TMC5: variants seen among roughly 807,000 people sequenced by gnomAD.
The protein encoded by TMC5 is transmembrane channel-like protein 5.
TMC5 carries 86 observed loss-of-function variants against 110.5 expected under a neutral mutation model. The ratio of observed to expected loss-of-function variants is 0.78; its 90% CI spans 0.65 to 0.93. TMC5 has a LOEUF of 0.93. Among genes scored for constraint, TMC5 ranks in the 40% least tolerant of loss-of-function variants. TMC5 has a pLI of 0.00. For missense variants in TMC5, 1,144 were observed against 1,222.8 expected, an observed-to-expected ratio of 0.94 and a Z score of 0.96; for synonymous variants, 455 against 439.5, an observed-to-expected ratio of 1.04 and a Z score of -0.44.
At chr16:19,453,941 T>C (rs77076015) in intron 5 of TMC5, among the ~76,000 whole-genome samples, 10,715 of 152,170 alleles carry the variant, frequency 0.07, 766 homozygotes, top group African/African-American at 0.19. Flanking sequence ...TGTTCTCAAA[T>C]TCCTGGGCTC....
chr16:19,416,203 AAG>A (rs1329750569), upstream of TMC5, among the ~76,000 whole-genome samples: 1 of 152,034 alleles, frequency 6.6e-6, no homozygotes, highest in Non-Finnish European at 1.5e-5. Flanking sequence ...AAAAAAAAAA[AAG>A]AGGAACGGTA....
At chr16:19,422,830 C>T (rs1462697452) in intron 1 of TMC5, among the ~76,000 whole-genome samples, 1 of 152,172 alleles carries the variant, frequency 6.6e-6, no homozygotes, top group African/African-American at 2.4e-5. Context: ...CACCTGTAAT[C>T]CCAGCTGCTT....
In TMC5 at chr16:19,497,972, CTT is replaced by C. The variant is rs769825224; in HGVS notation, c.*9_*10del. 15 of 1,613,558 alleles carry C rather than the reference CTT, an allele frequency of 9.3e-6. No homozygotes were observed. Among genetic ancestry groups the C allele is most frequent in the Non-Finnish European group, 9.3e-6 (11 of 1,179,522 alleles). ...AAGGTAATCCAAGGGCCTGATGACT[CTT>C]TTGGTAACCAGACACCAATCAAATA... On this transcript the variant is annotated 3_prime_UTR_variant, in exon 22 of 22. Coordinates refer to ENST00000542583, the MANE Select transcript of TMC5 (RefSeq NM_001261841.2).
intron 4 of TMC5, among the ~76,000 whole-genome samples, chr16:19,448,698 A>ATAT (rs35625035): frequency 0.71 from 102,639 of 144,166 alleles, 36,616 homozygotes; most frequent in South Asian, 0.79. Context: ...TAGATAATAT[A>ATAT]TATATTTTAA....
intron 5 of TMC5, among the ~76,000 whole-genome samples, chr16:19,458,366 A>G (rs1382744654): frequency 6.6e-6 from 1 of 151,732 alleles, no homozygotes; most frequent in Middle Eastern, 3.2e-3. Flanking sequence ...ACCTGACACC[A>G]CGCCTGGCTA....
intron 15 of TMC5, 143 bp from the exon 16 acceptor site, chr16:19,486,802 G>A: frequency 1.5e-6 from 1 of 663,256 alleles, no homozygotes; most frequent in Non-Finnish European, 2.6e-6. Flanking sequence ...GAGATATTCG[G>A]GGTTAAGGCC....
Position 19,449,491 on chromosome 16 carries a change from T to C in TMC5, c.959-51T>C, listed in dbSNP as rs377215623. On this transcript the variant is annotated intron_variant, in intron 4 of 21. Coordinates refer to ENST00000542583, the MANE Select transcript of TMC5 (RefSeq NM_001261841.2). ...CATCATAACTATTGCATGCCAGGAA[T>C]GTCTAGTGTGGTGAGACTAATCGGC... is the stretch of plus-strand genomic sequence containing the variant. The C allele has an allele frequency of 1.5e-5, 22 of 1,444,796 alleles. No individual in the cohort carries two copies. The African/African-American group carries it at 2.8e-4, about 18-fold the overall frequency. 89.5% of individuals were successfully genotyped at this position (1,444,796 alleles called of 1,614,324 possible).
At chr16:19,458,910 T>A (rs936474682) in intron 5 of TMC5, among the ~76,000 whole-genome samples, 1 of 152,286 alleles carries the variant, frequency 6.6e-6, no homozygotes, top group Non-Finnish European at 1.5e-5. Flanking sequence ...CCTCTGTCCC[T>A]CAGCCACCCT....
At chr16:19,489,261 C>T (rs546339675) in intron 17 of TMC5, among the ~76,000 whole-genome samples, 2 of 152,300 alleles carry the variant, frequency 1.3e-5, no homozygotes, top group East Asian at 1.9e-4. Context: ...CCTGGGCTCA[C>T]GTGATTGTCC....
At chr16:19,415,131 C>T (rs115524881), upstream of TMC5, among the ~76,000 whole-genome samples, 408 of 152,320 alleles carry the variant, frequency 2.7e-3, 4 homozygotes, top group African/African-American at 9.5e-3. Flanking sequence ...AACTTATTGT[C>T]TACCTGCAGA....
intron 2 of TMC5, among the ~76,000 whole-genome samples, chr16:19,435,814 G>A (rs969797474): frequency 3.9e-5 from 6 of 152,154 alleles, no homozygotes; most frequent in African/African-American, 1.2e-4. Context: ...CCTCATCCTT[G>A]CATCTGTGAC....
rs953672595 is a variant in TMC5 at position 19,460,442 on chromosome 16, C to G, written c.1148+108C>G. Reference sequence around the variant, plus strand: ...AAATAAATAAGCACAATAGAAGAGACAAATATTCCTGACAGAAAAATTTCA... The same window carrying G: ...AAATAAATAAGCACAATAGAAGAGAGAAATATTCCTGACAGAAAAATTTCA... On this transcript the variant is annotated intron_variant, in intron 6 of 21. Coordinates refer to ENST00000542583, the MANE Select transcript of TMC5 (RefSeq NM_001261841.2). 8.8e-5 allele frequency: 64 copies of G among 723,538 alleles called. No homozygotes were observed. The African/African-American group carries it at 1.1e-3, about 12-fold the overall frequency. 44.8% of individuals were successfully genotyped at this position (723,538 alleles called of 1,614,324 possible).
rs1270697215 is a variant in TMC5, at chr16:19,496,895, A to G, written c.2932-226A>G. Among the ~76,000 whole-genome samples, 9 of 141,952 alleles carry G rather than the reference A, an allele frequency of 6.3e-5. No individual in the cohort carries two copies. In the East Asian group the frequency reaches 1.8e-3, roughly 28 times the overall value. The allele number at this position is 141,952 out of a possible 152,430, so 93.1% of individuals were successfully genotyped here. A position where few individuals can be genotyped will look rare whatever the true frequency, so the allele number is the denominator to read the frequency against. On this transcript the variant is annotated intron_variant, in intron 20 of 21. Transcript: ENST00000542583. ...ATAAAGCAAGACTCTGTCAAAAAAA[A>G]AAAAAAAAAAAAAAAAAAGAGTATC... is the stretch of plus-strand genomic sequence containing the variant.
chr16:19,459,366 T>A lies in TMC5; in HGVS notation c.1049-869T>A, dbSNP rs556449379. 3.9e-5 allele frequency among the ~76,000 whole-genome samples: 6 copies of A among 152,262 alleles called. No homozygotes were observed. The South Asian group carries it at 1.0e-3, about 26-fold the overall frequency. On this transcript the variant is annotated intron_variant, in intron 5 of 21. Coordinates refer to ENST00000542583, the MANE Select transcript of TMC5 (RefSeq NM_001261841.2). The stretch of plus-strand genomic sequence containing the variant: ...ATTGACTGCAAATGTGAATATGAGT[T>A]AGCAGGAGAAAAGGAGGGTGTACTT...
Position 19,440,297 on chromosome 16 carries a change from A to G in TMC5, c.259A>G (p.Arg87Gly). The G allele has an allele frequency of 6.2e-7, 1 of 1,614,158 alleles. No individual in the cohort carries two copies. The highest frequency in any genetic ancestry group is 8.5e-7 in the Non-Finnish European group (1 of 1,180,024). Residue 87 changes from arginine (R) to glycine (G), a missense_variant, in exon 3 of 22, where the codon AGA becomes GGA. Transcript: ENST00000542583. ...GAGTAATCCAGACTATTCTGGCACC[A>G]GAAGCAATGCATACTCTGCAGCCTC... ...SLSNPDYSGT[R>G]SNAYSAASRT...
At chr16:19,417,096 A>G (rs1319156352), upstream of TMC5, among the ~76,000 whole-genome samples, 3 of 147,682 alleles carry the variant, frequency 2.0e-5, no homozygotes, top group Non-Finnish European at 4.5e-5. Context: ...TCAGTCTTCA[A>G]AAAAAAAAAA....
At chr16:19,491,631 G>A (rs1462327988) in intron 18 of TMC5, among the ~76,000 whole-genome samples, 2 of 151,122 alleles carry the variant, frequency 1.3e-5, no homozygotes, top group Admixed American at 1.3e-4. Context: ...CGCCTCCTGG[G>A]TTCATGCCAT....
upstream of TMC5, among the ~76,000 whole-genome samples, chr16:19,417,115 G>GAAGAA (rs1966882711): frequency 1.4e-5 from 1 of 71,152 alleles, no homozygotes; most frequent in Non-Finnish European, 2.8e-5. Context: ...AAAAAAAAAA[G>GAAGAA]AAGAAAAGAA....
chr16:19,447,440 A>T (rs1000546855), intron 4 of TMC5, among the ~76,000 whole-genome samples: 4 of 152,194 alleles, frequency 2.6e-5, no homozygotes, highest in African/African-American at 9.6e-5. Context: ...GGGAAATGTA[A>T]TATTTGCTGA....
Sources: gnomAD v4.1 joint callset for allele counts (sites outside exome capture counted in the v4.1 genomes callset) on GRCh38, gnomAD v4.1.1 for gene constraint, MANE v1.5 for transcripts, NCBI Gene and HGNC (gene_info 2026-07-23, HGNC 2026-07-21) for gene names.